The following SCN11A variants were observed in gnomAD, a reference collection of about 807,000 sequenced individuals.
SCN11A encodes the protein sodium channel protein type 11 subunit alpha.
A neutral mutation model predicts 162.2 loss-of-function variants in SCN11A; 122 were observed. The ratio of observed to expected loss-of-function variants is 0.75; its 90% confidence interval spans 0.65 to 0.87. The LOEUF is 0.87. Among genes scored for constraint, SCN11A ranks in the 40% least tolerant of loss-of-function variants. The pLI, the probability that SCN11A is intolerant of heterozygous loss-of-function variation, is 0.00. For missense variants in SCN11A, 2,015 were observed against 2,181.6 expected, an observed-to-expected ratio of 0.92 and a Z score of 1.52; for synonymous variants, 758 against 751.5, an observed-to-expected ratio of 1.01 and a Z score of -0.14.
chr3:38,914,109 T>C (rs931605423), intron 11 of SCN11A, among the ~76,000 whole-genome samples: 7 of 152,220 alleles, frequency 4.6e-5, no homozygotes, highest in African/African-American at 1.7e-4. Context: ...ATGATATTGA[T>C]TCTTCCTATC....
chr3:38,876,114 A>G (rs1042798659), intron 23 of SCN11A, among the ~76,000 whole-genome samples: 1 of 152,050 alleles, frequency 6.6e-6, no homozygotes, highest in Non-Finnish European at 1.5e-5. Flanking sequence ...TTGGGAAAAG[A>G]GCACCCTATT....
intron 2 of SCN11A, among the ~76,000 whole-genome samples, chr3:39,005,288 A>G (rs886229788): frequency 4.6e-5 from 7 of 152,210 alleles, no homozygotes; most frequent in Non-Finnish European, 1.0e-4. Context: ...TAAAACAGGT[A>G]CTGAGTATAA....
chr3:38,863,444 T>C (rs923218348), intron 27 of SCN11A, 145 bp from the exon 28 acceptor site: 47 of 559,774 alleles, frequency 8.4e-5, no homozygotes, highest in Non-Finnish European at 1.3e-4. Flanking sequence ...GACTGGACCA[T>C]AGCGAAATGC....
intron 2 of SCN11A, among the ~76,000 whole-genome samples, chr3:38,993,751 T>C (rs1397691726): frequency 6.6e-6 from 1 of 152,188 alleles, no homozygotes; most frequent in Admixed American, 6.5e-5. Flanking sequence ...ATATCCCACC[T>C]ATCCCAGCCC....
At chr3:38,962,022 C>A (rs1452347909) in intron 2 of SCN11A, among the ~76,000 whole-genome samples, 1 of 152,190 alleles carries the variant, frequency 6.6e-6, no homozygotes, top group African/African-American at 2.4e-5. Flanking sequence ...AGTCTTTAAT[C>A]CATCTTGAGT....
At chr3:38,975,583 A>G (rs747052927) in intron 2 of SCN11A, among the ~76,000 whole-genome samples, 3 of 152,244 alleles carry the variant, frequency 2.0e-5, no homozygotes, top group Non-Finnish European at 1.5e-5. Context: ...AAATTGTTCA[A>G]CTTCTTTAGC....
Position 38,905,233 on chromosome 3 carries a change from C to A in SCN11A, c.1562G>T (p.Arg521Ile). The A allele has an allele frequency of 6.2e-7, 1 of 1,614,048 alleles. No homozygotes were observed. The highest frequency in any genetic ancestry group is 8.5e-7 in the Non-Finnish European group (1 of 1,179,932). ...DEHGDPLQRQRALSAVSILTI... is the reference protein window; with the variant it reads ...DEHGDPLQRQIALSAVSILTI... Reference sequence around the variant, plus strand: ...GAGGATGCTGACAGCACTCAGTGCTCTCTGCCTTTGGAGAGGATCTCCATG... The same window carrying A: ...GAGGATGCTGACAGCACTCAGTGCTATCTGCCTTTGGAGAGGATCTCCATG... The change falls in exon 15 of 30, where the codon AGA (arginine) becomes ATA (isoleucine). Residue 521 changes from arginine to isoleucine, a missense_variant. Physicochemically the swap from Arg to Ile is moderately conservative, Grantham distance 97. Coordinates refer to ENST00000302328, the MANE Select transcript of SCN11A (RefSeq NM_001349253.2).
At chr3:39,023,408 T>A (rs546132818) in intron 2 of SCN11A, among the ~76,000 whole-genome samples, 72 of 152,320 alleles carry the variant, frequency 4.7e-4, no homozygotes, top group African/African-American at 1.7e-3. Flanking sequence ...CTGAAAGGGT[T>A]TTTTTGAGGG....
intron 2 of SCN11A, among the ~76,000 whole-genome samples, chr3:39,000,972 G>C (rs557967776): frequency 2.0e-4 from 30 of 152,182 alleles, no homozygotes; most frequent in Non-Finnish European, 3.5e-4. Flanking sequence ...GGGAGGCAGA[G>C]GTTGCAGTGA....
chr3:38,904,586 T>C (rs1204458372), intron 15 of SCN11A, among the ~76,000 whole-genome samples: 1 of 152,100 alleles, frequency 6.6e-6, no homozygotes, highest in African/African-American at 2.4e-5. Flanking sequence ...CTGATTTCCC[T>C]GGCACCGCTG....
rs1313643120 is a variant in SCN11A at position 38,846,227 on chromosome 3, C to T, written c.*467G>A. 6.3e-6 allele frequency: 1 copy of T among 159,218 alleles called. No homozygotes were observed. The highest frequency in any genetic ancestry group is 2.4e-5 in the African/African-American group (1 of 41,516). 9.9% of individuals were successfully genotyped at this position (159,218 alleles called of 1,614,324 possible). On this transcript the variant is annotated 3_prime_UTR_variant, in exon 30 of 30. Transcript: ENST00000302328. ...CTCCCAGGTTTAAGCGATTCTCCTG[C>T]CTCAGCCTCCCAAGTAGCTGGGACT...
chr3:38,875,445 T>C (rs187340546), intron 23 of SCN11A, among the ~76,000 whole-genome samples: 1 of 152,226 alleles, frequency 6.6e-6, no homozygotes, highest in Non-Finnish European at 1.5e-5. Flanking sequence ...TATGATTGTA[T>C]ACATAGAAAA....
chr3:39,047,440 G>A (rs960981981), intron 1 of SCN11A, among the ~76,000 whole-genome samples: 1 of 151,984 alleles, frequency 6.6e-6, no homozygotes, highest in African/African-American at 2.4e-5. Flanking sequence ...GATAATACAG[G>A]AGAAATGCTT....
intron 26 of SCN11A, among the ~76,000 whole-genome samples, 190 bp downstream of exon 26, chr3:38,870,499 CAG>C (rs112010445): frequency 1.2e-4 from 18 of 152,330 alleles, no homozygotes; most frequent in African/African-American, 4.1e-4. Flanking sequence ...ACTGGGGTAT[CAG>C]ATACTCACTA....
intron 1 of SCN11A, among the ~76,000 whole-genome samples, chr3:39,039,377 T>C (rs1230827701): frequency 6.6e-6 from 1 of 152,190 alleles, no homozygotes; most frequent in Non-Finnish European, 1.5e-5. Context: ...AAACACACAA[T>C]GAACCCTCTC....
chr3:38,888,700 A>G (rs1449828711), intron 19 of SCN11A, among the ~76,000 whole-genome samples: 1 of 152,234 alleles, frequency 6.6e-6, no homozygotes, highest in Non-Finnish European at 1.5e-5. Flanking sequence ...GTCTCTAGAA[A>G]TTATTCTGAG....
chr3:38,882,484 A>T (rs1283704205), intron 22 of SCN11A, among the ~76,000 whole-genome samples: 1 of 152,166 alleles, frequency 6.6e-6, no homozygotes, highest in Non-Finnish European at 1.5e-5. Context: ...ACATTACTGT[A>T]TGATCATTTT....
chr3:39,047,853 C>G (rs2032223142), intron 1 of SCN11A, among the ~76,000 whole-genome samples: 1 of 152,054 alleles, frequency 6.6e-6, no homozygotes, highest in African/African-American at 2.4e-5. Flanking sequence ...GTTAGAATCG[C>G]TATACGAAAA....
chr3:38,909,482 T>C (rs1290720827), intron 12 of SCN11A, among the ~76,000 whole-genome samples: 2 of 152,072 alleles, frequency 1.3e-5, no homozygotes, highest in Non-Finnish European at 2.9e-5. Context: ...GCAAGAGAGA[T>C]AGGGCAGTAG....
Sources: gnomAD v4.1 joint callset for allele counts (sites outside exome capture counted in the v4.1 genomes callset) on GRCh38, gnomAD v4.1.1 for gene constraint, MANE v1.5 for transcripts, NCBI Gene and HGNC (gene_info 2026-07-23, HGNC 2026-07-21) for gene names.